LAMA2: variants seen among roughly 807,000 people sequenced by gnomAD.
LAMA2 encodes laminin subunit alpha-2.
In LAMA2, 269 loss-of-function variants were observed where a neutral mutation model predicts 364.8. The observed-to-expected ratio is 0.74, with a 90% CI of 0.67 to 0.82. The LOEUF is 0.82. Ranked by LOEUF, LAMA2 falls within the 40% of genes least tolerant of loss-of-function variation. The probability of loss-of-function intolerance (pLI) is 0.00; values close to 1 mark genes in which losing one functional copy is unlikely to be tolerated. For missense variants in LAMA2, 3,807 were observed against 3,873.2 expected (o/e 0.98, Z 0.45); for synonymous variants, 1,379 against 1,370.6 (o/e 1.01, Z -0.14).
At chr6:129,443,024 A>AT (rs530596252) in intron 43 of LAMA2, 39 bp from the exon 44 acceptor site, 899 of 1,489,644 alleles carry the variant, frequency 6.0e-4, no homozygotes, top group African/African-American at 3.7e-3. Context: ...TGAATTTATA[A>AT]TTTTTTTTTG....
At chr6:129,024,183 C>T (rs575351011) in intron 1 of LAMA2, among the ~76,000 whole-genome samples, 5 of 151,914 alleles carry the variant, frequency 3.3e-5, no homozygotes, top group Admixed American at 6.6e-5. Context: ...CTCAAATAAA[C>T]CTTAGAATTG....
At chr6:128,917,186 A>T (rs974320308) in intron 1 of LAMA2, among the ~76,000 whole-genome samples, 15 of 151,968 alleles carry the variant, frequency 9.9e-5, no homozygotes, top group African/African-American at 3.1e-4. Flanking sequence ...TAAAAAAAAA[A>T]AAAACTAATT....
intron 62 of LAMA2, among the ~76,000 whole-genome samples, chr6:129,508,467 TTA>T (rs1786292343): frequency 6.6e-6 from 1 of 152,122 alleles, no homozygotes; most frequent in African/African-American, 2.4e-5. Context: ...ATACTAAATC[TTA>T]TTCAAACTAT....
chr6:129,210,116 C>T (rs1782998701), intron 12 of LAMA2, among the ~76,000 whole-genome samples: 1 of 151,776 alleles, frequency 6.6e-6, no homozygotes, highest in South Asian at 2.1e-4. Context: ...GATTATTTAC[C>T]CATAAGAATT....
chr6:128,931,090 C>T (rs1779445425), intron 1 of LAMA2, among the ~76,000 whole-genome samples: 2 of 152,108 alleles, frequency 1.3e-5, no homozygotes, highest in African/African-American at 2.4e-5. Flanking sequence ...ATGGCAATTA[C>T]TTATAAGTAA....
chr6:129,092,765 C>T (rs1774920930), intron 3 of LAMA2, among the ~76,000 whole-genome samples: 2 of 152,120 alleles, frequency 1.3e-5, no homozygotes, highest in Admixed American at 6.5e-5. Context: ...TAAGTCAGGT[C>T]CTATGAGAAG....
intron 29 of LAMA2, among the ~76,000 whole-genome samples, chr6:129,329,021 C>T (rs1775467479): frequency 1.3e-5 from 2 of 152,164 alleles, no homozygotes; most frequent in Admixed American, 1.3e-4. Context: ...TGCTGGCACC[C>T]TGCACTCTCT....
At chr6:129,167,700 G>T (rs1393472450) in intron 9 of LAMA2, among the ~76,000 whole-genome samples, 3 of 152,122 alleles carry the variant, frequency 2.0e-5, no homozygotes, top group East Asian at 1.9e-4. Flanking sequence ...CTGGGTCAAA[G>T]GGTATTTCCA....
At chr6:129,514,866 A>T (rs1448145366) in intron 64 of LAMA2, among the ~76,000 whole-genome samples, 4 of 152,208 alleles carry the variant, frequency 2.6e-5, no homozygotes, top group Admixed American at 6.5e-5. Context: ...AATTTGGCTT[A>T]TAAAAGATAT....
intron 1 of LAMA2, among the ~76,000 whole-genome samples, chr6:129,007,159 C>G (rs539098609): frequency 2.0e-4 from 30 of 152,188 alleles, no homozygotes; most frequent in African/African-American, 6.7e-4. Flanking sequence ...GCCAAGGAGA[C>G]TTGTCTCTAA....
At chr6:129,481,590 A>G (rs1339384546) in intron 55 of LAMA2, 151 bp downstream of exon 55, 3 of 719,982 alleles carry the variant, frequency 4.2e-6, no homozygotes, top group Non-Finnish European at 7.5e-6. Flanking sequence ...CTGGCCTCCT[A>G]TTTCACTCAC....
chr6:128,978,044 G>A lies in LAMA2; in HGVS notation c.113-71874G>A, dbSNP rs897263804. On this transcript the variant is annotated intron_variant, in intron 1 of 64. Transcript: ENST00000421865. ...AAAACAAGCCATTCCATGATTTATT[G>A]TATAAGAGAAGATAAGTACGGAGTT... is the stretch of plus-strand genomic sequence containing the variant. 5.1e-4 allele frequency among the ~76,000 whole-genome samples: 77 copies of A among 152,186 alleles called. 1 individual carries two copies. Among genetic ancestry groups the A allele is most frequent in the Non-Finnish European group, 1.3e-4 (9 of 68,010 alleles).
At chr6:129,062,162 G>T (rs932034115) in intron 3 of LAMA2, among the ~76,000 whole-genome samples, 1 of 152,172 alleles carries the variant, frequency 6.6e-6, no homozygotes, top group Non-Finnish European at 1.5e-5. Context: ...GCTATGGATG[G>T]TATATTGTAC....
At chr6:128,910,955 C>G (rs1777886358) in intron 1 of LAMA2, among the ~76,000 whole-genome samples, 1 of 151,428 alleles carries the variant, frequency 6.6e-6, no homozygotes, top group African/African-American at 2.4e-5. Flanking sequence ...GCTCGGGGGT[C>G]AGGGGTCAGG....
chr6:129,134,916 G>A (rs375475778), intron 4 of LAMA2, among the ~76,000 whole-genome samples: 18 of 152,282 alleles, frequency 1.2e-4, no homozygotes, highest in African/African-American at 4.1e-4. Flanking sequence ...TGGATCAATG[G>A]CAGGAGGTGA....
intron 29 of LAMA2, among the ~76,000 whole-genome samples, chr6:129,341,452 T>G (rs960191313): frequency 1.3e-5 from 2 of 152,228 alleles, no homozygotes; most frequent in African/African-American, 2.4e-5. Flanking sequence ...CCCTTCTTCC[T>G]TTTTCTCAAC....
chr6:129,042,727 AG>A (rs1271966419), intron 1 of LAMA2, among the ~76,000 whole-genome samples: 5 of 152,174 alleles, frequency 3.3e-5, no homozygotes, highest in African/African-American at 1.2e-4. Flanking sequence ...CTAAAAGATT[AG>A]GTATGTTTAA....
chr6:129,471,043 C>T (rs911761246), intron 51 of LAMA2, among the ~76,000 whole-genome samples: 2 of 151,746 alleles, frequency 1.3e-5, no homozygotes, highest in African/African-American at 4.8e-5. Context: ...AAACACTTAG[C>T]TTATAACAAC....
chr6:129,251,658 T>A (rs1297051727), intron 13 of LAMA2, among the ~76,000 whole-genome samples: 1 of 152,074 alleles, frequency 6.6e-6, no homozygotes, highest in Non-Finnish European at 1.5e-5. Context: ...TAAGGCCGGG[T>A]GTGGTGGCTC....
Sources: gnomAD v4.1 joint callset for allele counts (sites outside exome capture counted in the v4.1 genomes callset) on GRCh38, gnomAD v4.1.1 for gene constraint, MANE v1.5 for transcripts, NCBI Gene and HGNC (gene_info 2026-07-23, HGNC 2026-07-21) for gene names.